The following KCNU1 variants were observed in gnomAD, a reference collection of about 807,000 sequenced individuals.
KCNU1 encodes the protein potassium calcium-activated channel subfamily U member 1, also known as potassium channel subfamily U member 1.
Under a neutral mutation model 126.8 loss-of-function variants are expected in KCNU1, and 93 were observed. The ratio of observed to expected loss-of-function variants is 0.73; its 90% CI spans 0.62 to 0.87. The LOEUF is 0.87. Ranked by LOEUF, KCNU1 falls within the 40% of genes least tolerant of loss-of-function variation. The pLI is 0.00. For synonymous variants in KCNU1, 523 were observed against 494.2 expected, an observed-to-expected ratio of 1.06 and a Z score of -0.77; for missense variants, 1,330 against 1,367.1, an observed-to-expected ratio of 0.97 and a Z score of 0.43.
At chr8:36,900,486 G>T in intron 19 of KCNU1, among the ~76,000 whole-genome samples, 1 of 152,086 alleles carries the variant, frequency 6.6e-6, no homozygotes, top group East Asian at 1.9e-4. Context: ...ACTACAATAT[G>T]TGTATAGGTG....
rs77063253 is a variant in KCNU1, at chr8:36,893,279, T to G, written c.2010-12429T>G. 2.6e-4 allele frequency among the ~76,000 whole-genome samples: 39 copies of G among 151,840 alleles called. 1 individual carries two copies. The highest frequency in any genetic ancestry group is 8.9e-4 in the African/African-American group (37 of 41,498). On this transcript the variant is annotated intron_variant, in intron 19 of 26. Transcript: ENST00000399881. ...ATGAGCCACCACATCTGGCCCTCTC[T>G]ATAGACTTCTAATTCTCCAGCTTTT... is the stretch of plus-strand genomic sequence containing the variant.
At chr8:36,863,068 A>C (rs1805786154) in intron 18 of KCNU1, among the ~76,000 whole-genome samples, 1 of 152,192 alleles carries the variant, frequency 6.6e-6, no homozygotes, top group African/African-American at 2.4e-5. Flanking sequence ...ATCTCTTAGC[A>C]CACCTGGCTG....
At chr8:36,880,247 G>A (rs148095798) in intron 19 of KCNU1, among the ~76,000 whole-genome samples, 25 of 152,144 alleles carry the variant, frequency 1.6e-4, no homozygotes, top group African/African-American at 4.8e-4. Context: ...TGATAAATAC[G>A]TCTATTGGCG....
At chr8:36,815,721 T>C in intron 9 of KCNU1, 34 bp downstream of exon 9, 1 of 1,220,290 alleles carries the variant, frequency 8.2e-7, no homozygotes, top group Non-Finnish European at 1.2e-6. Flanking sequence ...TTCTACAGTT[T>C]AAGAAATTCT....
chr8:36,839,883 G>C (rs1035094012), intron 14 of KCNU1, among the ~76,000 whole-genome samples: 2 of 152,116 alleles, frequency 1.3e-5, no homozygotes, highest in African/African-American at 2.4e-5. Context: ...TAGCCATTTT[G>C]AGATATCTTT....
At chr8:36,805,126 T>C (rs1803449678) in intron 3 of KCNU1, 69 bp from the exon 4 acceptor site, 2 of 1,065,600 alleles carry the variant, frequency 1.9e-6, no homozygotes, top group South Asian at 2.8e-5. Flanking sequence ...TCTTTCCCTT[T>C]AGTTGGTCTT....
At chr8:36,815,730 C>A in intron 9 of KCNU1, 43 bp downstream of exon 9, 1 of 1,131,740 alleles carries the variant, frequency 8.8e-7, no homozygotes, top group South Asian at 1.4e-5. Context: ...TTAAGAAATT[C>A]TATTAGCCAT....
Position 36,851,469 on chromosome 8 carries a change from A to G in KCNU1, c.1891+5570A>G, listed in dbSNP as rs1288603810. Among the ~76,000 whole-genome samples the G allele has an allele frequency of 5.3e-5, 8 of 150,474 alleles. No homozygotes were observed. In the East Asian group the frequency reaches 1.6e-3, roughly 30 times the overall value. ...TGCTTTCCTTTTGTCTTCTGCCATG[A>G]TTGTTAGTTTCCTGAGACCTCCCGA... On this transcript the variant is annotated intron_variant, in intron 18 of 26. Transcript: ENST00000399881.
intron 2 of KCNU1, among the ~76,000 whole-genome samples, chr8:36,791,783 A>G (rs908522757): frequency 3.9e-5 from 6 of 152,232 alleles, no homozygotes; most frequent in African/African-American, 1.2e-4. Flanking sequence ...AACATAAAAC[A>G]TATTGGAAAA....
At chr8:36,807,494 T>C in intron 6 of KCNU1, 44 bp downstream of exon 6, 1 of 1,386,688 alleles carries the variant, frequency 7.2e-7, no homozygotes, top group African/African-American at 1.4e-5. Flanking sequence ...TTAGTTTGGA[T>C]TAGAAAATGA....
intron 10 of KCNU1, among the ~76,000 whole-genome samples, chr8:36,832,105 G>A (rs911106701): frequency 6.6e-6 from 1 of 152,170 alleles, no homozygotes; most frequent in Non-Finnish European, 1.5e-5. Context: ...GCTCTGTTCT[G>A]TTCCATTGAT....
intron 19 of KCNU1, among the ~76,000 whole-genome samples, chr8:36,865,265 G>T (rs1274011871): frequency 1.3e-5 from 2 of 152,040 alleles, no homozygotes; most frequent in Non-Finnish European, 2.9e-5. Context: ...AAAGCACTTT[G>T]CTGCTGCAGC....
chr8:36,860,234 T>C lies in KCNU1; in HGVS notation c.1892-4170T>C, dbSNP rs1484907826. On this transcript the variant is annotated intron_variant, in intron 18 of 26. Transcript: ENST00000399881. ...CTGGGACTACAGGTACCCGCCACCATGCCCAGCTAATTTTTTGTATTTTTA... is the reference window on the plus strand; with the variant it reads ...CTGGGACTACAGGTACCCGCCACCACGCCCAGCTAATTTTTTGTATTTTTA... 2.0e-5 allele frequency among the ~76,000 whole-genome samples: 3 copies of C among 152,030 alleles called. No individual in the cohort carries two copies. In the East Asian group the frequency reaches 5.8e-4, roughly 29 times the overall value.
chr8:36,785,576 T>G (rs1429634890), intron 1 of KCNU1, among the ~76,000 whole-genome samples: 1 of 152,216 alleles, frequency 6.6e-6, no homozygotes, highest in Non-Finnish European at 1.5e-5. Context: ...CTTATAGATT[T>G]TGTTCCTAAA....
chr8:36,854,139 T>A (rs4440631), intron 18 of KCNU1, among the ~76,000 whole-genome samples: 79 of 152,006 alleles, frequency 5.2e-4, no homozygotes, highest in South Asian at 2.3e-3. Flanking sequence ...TCTTGCTGAC[T>A]TGAAGACCCT....
At position 36,815,078 on chromosome 8, in the gene KCNU1, C is replaced by A. The variant is rs1353773048; in HGVS notation, c.904-518C>A. Among the ~76,000 whole-genome samples the A allele has an allele frequency of 2.6e-5, 4 of 152,152 alleles. 1 individual carries two copies. The highest frequency in any genetic ancestry group is 5.9e-5 in the Non-Finnish European group (4 of 68,036). On this transcript the variant is annotated intron_variant, in intron 8 of 26. Transcript: ENST00000399881. ...AGGCACAGTTGCTCAGGCCTGCAAT[C>A]CCAGCATTTTGTGAGGCCAAGGCAG...
chr8:36,931,989 T>C (rs955475960), intron 25 of KCNU1, among the ~76,000 whole-genome samples: 1 of 152,128 alleles, frequency 6.6e-6, no homozygotes, highest in Non-Finnish European at 1.5e-5. Flanking sequence ...TGGCATTGCA[T>C]TCAGTTATCC....
At chr8:36,833,409 TA>T (rs1211626133) in intron 10 of KCNU1, 144 bp from the exon 11 acceptor site, 3 of 449,188 alleles carry the variant, frequency 6.7e-6, no homozygotes, top group Non-Finnish European at 1.2e-5. Context: ...TTACATTTTT[TA>T]AAAAAATAGT....
At chr8:36,897,651 C>A (rs1807250764) in intron 19 of KCNU1, among the ~76,000 whole-genome samples, 1 of 152,038 alleles carries the variant, frequency 6.6e-6, no homozygotes, top group South Asian at 2.1e-4. Context: ...CAGGAAACAT[C>A]TAAGCATGAG....
Sources: allele counts gnomAD v4.1 joint callset (sites outside exome capture counted in the v4.1 genomes callset), GRCh38; gene constraint gnomAD v4.1.1; transcripts MANE v1.5; gene names NCBI Gene and HGNC (gene_info 2026-07-23, HGNC 2026-07-21).